Variants in CRYBG3 observed in about 807,000 individuals in gnomAD.
CRYBG3 encodes very large A-kinase anchor protein.
In CRYBG3, 127 loss-of-function variants were observed where a neutral mutation model predicts 244.2. That is an observed-to-expected ratio of 0.52 (90% CI 0.45 to 0.60). The LOEUF (loss-of-function observed/expected upper bound fraction) is 0.60. CRYBG3 is among the 20% of genes least tolerant of loss of function. CRYBG3 has a pLI of 0.00. For missense variants in CRYBG3, 3,325 were observed against 3,442.5 expected, an observed-to-expected ratio of 0.97 and a Z score of 0.85; for synonymous variants, 1,132 against 1,195.8, an observed-to-expected ratio of 0.95 and a Z score of 1.10.
intron 17 of CRYBG3, among the ~76,000 whole-genome samples, chr3:97,922,771 A>T (rs1393493411): frequency 1.3e-5 from 2 of 152,148 alleles, no homozygotes; most frequent in South Asian, 2.1e-4. Flanking sequence ...ATTGTGGAAG[A>T]CAGTGTGGCG....
At chr3:97,910,267 GGGCTCCACC>G (rs2039851537) in intron 15 of CRYBG3, among the ~76,000 whole-genome samples, 1 of 152,096 alleles carries the variant, frequency 6.6e-6, no homozygotes, top group African/African-American at 2.4e-5. Context: ...GAGCTGTGGT[GGGCTCCACC>G]CAGTTCGAGC....
At chr3:97,932,154 T>C (rs1007869746) in intron 17 of CRYBG3, among the ~76,000 whole-genome samples, 1 of 151,910 alleles carries the variant, frequency 6.6e-6, no homozygotes, top group African/African-American at 2.4e-5. Context: ...TGGTTACCAG[T>C]TTTTTTTATT....
intron 2 of CRYBG3, among the ~76,000 whole-genome samples, chr3:97,856,239 C>T (rs2039062242): frequency 1.3e-5 from 2 of 152,174 alleles, no homozygotes; most frequent in Non-Finnish European, 2.9e-5. Flanking sequence ...GCCCAGCTCA[C>T]CAGCGGTCAG....
At chr3:97,941,526 G>T (rs771960568) in intron 20 of CRYBG3, among the ~76,000 whole-genome samples, 15 of 151,750 alleles carry the variant, frequency 9.9e-5, no homozygotes, top group African/African-American at 3.4e-4. Context: ...AAACACAAAG[G>T]TTATCACATA....
chr3:97,938,254 A>G (rs2040186330), intron 19 of CRYBG3, among the ~76,000 whole-genome samples: 1 of 152,076 alleles, frequency 6.6e-6, no homozygotes, highest in African/African-American at 2.4e-5. Context: ...ACCTGTGACA[A>G]TAAAAGCACA....
At chr3:97,939,207 A>G (rs574536680) in intron 19 of CRYBG3, among the ~76,000 whole-genome samples, 59 of 152,130 alleles carry the variant, frequency 3.9e-4, no homozygotes, top group Middle Eastern at 3.4e-3. Flanking sequence ...TAACAAGAAT[A>G]GTATGCTATT....
rs1430637558 is a variant in CRYBG3, at chr3:97,822,064, G to A, written c.-143G>A. ...CGTCGCGTCCGCACTTCTCCTGCCC[G>A]AGAGAGACTGAGCCGCGCTGGCAGC... On this transcript the variant is annotated 5_prime_UTR_variant, in exon 1 of 22. Transcript: ENST00000389622. 9.7e-6 allele frequency: 6 copies of A among 619,204 alleles called. No individual in the cohort carries two copies. The highest frequency in any genetic ancestry group is 1.9e-5 in the African/African-American group (1 of 52,892). 38.4% of individuals were successfully genotyped at this position (619,204 alleles called of 1,614,324 possible). A position where few individuals can be genotyped will look rare whatever the true frequency, so the allele number is the denominator to read the frequency against.
intron 7 of CRYBG3, among the ~76,000 whole-genome samples, chr3:97,883,491 C>T (rs2039474117): frequency 6.6e-6 from 1 of 152,098 alleles, no homozygotes; most frequent in Admixed American, 6.5e-5. Flanking sequence ...ACCCCCCCCA[C>T]CAAAATCAAA....
At chr3:97,924,278 C>A in intron 17 of CRYBG3, 1 of 343,446 alleles carries the variant, frequency 2.9e-6, no homozygotes, top group Non-Finnish European at 5.5e-6. Context: ...AAATAAGTTC[C>A]AGATGGATTA....
chr3:97,878,252 TA>T (rs1254018112), intron 4 of CRYBG3, among the ~76,000 whole-genome samples: 1 of 151,868 alleles, frequency 6.6e-6, no homozygotes, highest in South Asian at 2.1e-4. Flanking sequence ...CTACTAAAAA[TA>T]AAAAATAATT....
Position 97,876,075 on chromosome 3 carries a change from T to C in CRYBG3, c.4881T>C (p.Thr1627=), listed in dbSNP as rs2039367834. The C allele has an allele frequency of 8.1e-7, 1 of 1,232,034 alleles. No individual in the cohort carries two copies. Among genetic ancestry groups the C allele is most frequent in the Non-Finnish European group, 1.0e-6 (1 of 987,926 alleles). The allele number at this position is 1,232,034 out of a possible 1,614,324, so 76.3% of individuals were successfully genotyped here. The change falls in exon 4 of 22, where the codon ACT becomes ACC. Residue 1627 remains threonine (T), a synonymous_variant. Transcript: ENST00000389622. ...GMEKAYKMKD[T]EGDIGKIEVI... is the part of the protein sequence containing the mutation. The stretch of plus-strand genomic sequence containing the variant: ...AAAAAGCTTATAAGATGAAGGATAC[T>C]GAAGGGGATATTGGCAAAATTGAGG...
intron 5 of CRYBG3, 55 bp downstream of exon 5, chr3:97,879,803 G>A (rs2108222668): frequency 7.6e-7 from 1 of 1,308,186 alleles, no homozygotes; most frequent in Non-Finnish European, 1.1e-6. Context: ...TAACTTTCAG[G>A]CTTGAGGAAT....
At position 97,917,122 on chromosome 3, in the gene CRYBG3, C is replaced by T. The variant is rs72916355; in HGVS notation, c.8241+1386C>T. ...CTCTTAATTCAGTGAACTAAACCAA[C>T]AAAATTTCTAGGGAGGGCATTTTAG... On this transcript the variant is annotated intron_variant, in intron 17 of 21. Coordinates refer to ENST00000389622, the MANE Select transcript of CRYBG3 (RefSeq NM_153605.4). Among the ~76,000 whole-genome samples the T allele has an allele frequency of 5.7e-3, 860 of 152,186 alleles. 7 individuals carry two copies. The highest frequency in any genetic ancestry group is 0.018 in the African/African-American group (756 of 41,560).
At chr3:97,883,653 G>C (rs1313363600) in intron 7 of CRYBG3, among the ~76,000 whole-genome samples, 1 of 151,648 alleles carries the variant, frequency 6.6e-6, no homozygotes, top group Admixed American at 6.6e-5. Flanking sequence ...TTTTTTTTTA[G>C]TTGCAGTGTT....
At chr3:97,884,229 T>G (rs908506439) in intron 7 of CRYBG3, among the ~76,000 whole-genome samples, 2 of 152,166 alleles carry the variant, frequency 1.3e-5, no homozygotes, top group Middle Eastern at 6.3e-3. Context: ...AAGGGTTGTC[T>G]TTGTACCCAG....
intron 2 of CRYBG3, among the ~76,000 whole-genome samples, chr3:97,854,892 G>A (rs1345926917): frequency 6.6e-6 from 1 of 151,890 alleles, no homozygotes; most frequent in Non-Finnish European, 1.5e-5. Context: ...GTACTATATT[G>A]GATAAGAGTA....
intron 1 of CRYBG3, among the ~76,000 whole-genome samples, chr3:97,828,701 G>A (rs2038610622): frequency 6.6e-6 from 1 of 151,678 alleles, no homozygotes; most frequent in South Asian, 2.1e-4. Context: ...GGTGGTGCTT[G>A]CCTGTAATCC....
chr3:97,907,550 T>C (rs1335870598), intron 15 of CRYBG3, among the ~76,000 whole-genome samples: 2 of 149,172 alleles, frequency 1.3e-5, no homozygotes, highest in Admixed American at 6.7e-5. Context: ...GTTTGTAGTA[T>C]TCTCTGATGG....
Position 97,915,735 on chromosome 3 carries a change from A to G in CRYBG3, c.8240A>G (p.Tyr2747Cys), listed in dbSNP as rs369517726. The part of the protein sequence containing the change: ...SKVKSLKPID[Y>C]VFEEPSISLF... ...GTCAAATCTCTCAAGCCCATTGACT[A>G]TGTAAGTACTTTGCAAAATGCATAC... is the stretch of plus-strand genomic sequence containing the variant. Residue 2747 changes from tyrosine (Y) to cysteine (C), a missense_variant and splice_region_variant, in exon 17 of 22, where the codon TAT (tyrosine) becomes TGT (cysteine). Tyr to Cys is a radical substitution (Grantham distance 194). This residue lies in a region of CRYBG3 where 714 missense variants were observed against 803.6 expected (regional missense o/e 0.89). Transcript: ENST00000389622. 9 of 1,602,070 alleles carry G rather than the reference A, an allele frequency of 5.6e-6. No homozygotes were observed. The highest frequency in any genetic ancestry group is 7.7e-6 in the Non-Finnish European group (9 of 1,171,958).
Sources: gnomAD v4.1 joint callset for allele counts (sites outside exome capture counted in the v4.1 genomes callset) on GRCh38, gnomAD v4.1.1 for gene constraint, gnomAD v4.1.1 regional missense constraint, MANE v1.5 for transcripts, NCBI Gene and HGNC (gene_info 2026-07-23, HGNC 2026-07-21) for gene names.